The following CDH11 variants were observed in gnomAD, a reference collection of about 807,000 sequenced individuals.
CDH11 encodes the protein cadherin 11, also known as cadherin-11.
CDH11 carries 11 observed loss-of-function variants against 67.8 expected under a neutral mutation model. That is an observed-to-expected ratio of 0.16 (90% CI 0.10 to 0.27). The LOEUF is 0.27. CDH11 is among the 10% of genes least tolerant of loss of function. CDH11 has a pLI of 1.00. For synonymous variants in CDH11, 419 were observed against 400.0 expected, an observed-to-expected ratio of 1.05 and a Z score of -0.57; for missense variants, 847 against 1,031.2, an observed-to-expected ratio of 0.82 and a Z score of 2.45.
chr16:65,088,303 T>C (rs921220313), intron 1 of CDH11, among the ~76,000 whole-genome samples: 41 of 152,206 alleles, frequency 2.7e-4, no homozygotes, highest in African/African-American at 9.9e-4. Context: ...CACTCTAAGG[T>C]ATTTTTTAAT....
chr16:65,092,218 A>C (rs1232618940), intron 1 of CDH11, among the ~76,000 whole-genome samples: 1 of 152,142 alleles, frequency 6.6e-6, no homozygotes, highest in East Asian at 1.9e-4. Context: ...AGGTCACCAA[A>C]CTTAGCTCCA....
At chr16:65,051,736 T>C (rs111817096) in intron 2 of CDH11, among the ~76,000 whole-genome samples, 70 of 152,274 alleles carry the variant, frequency 4.6e-4, no homozygotes, top group African/African-American at 1.6e-3. Flanking sequence ...CTGATAGTTT[T>C]ATAAGGGGCT....
chr16:64,967,342 C>G (rs565155906), intron 11 of CDH11, among the ~76,000 whole-genome samples: 5 of 152,020 alleles, frequency 3.3e-5, no homozygotes, highest in African/African-American at 1.2e-4. Context: ...CTCAGCCTCC[C>G]GAGTAGCTGG....
At chr16:65,105,949 G>C (rs2075059679) in intron 1 of CDH11, among the ~76,000 whole-genome samples, 1 of 152,158 alleles carries the variant, frequency 6.6e-6, no homozygotes, top group South Asian at 2.1e-4. Flanking sequence ...TTTCTTACAT[G>C]CTTTGTTTTC....
At chr16:65,082,027 C>T (rs943988157) in intron 1 of CDH11, among the ~76,000 whole-genome samples, 1 of 152,180 alleles carries the variant, frequency 6.6e-6, no homozygotes, top group African/African-American at 2.4e-5. Context: ...CCAGGAGCTG[C>T]CTAACAGGCT....
Position 64,998,707 on chromosome 16 carries a change from C to T in CDH11, c.378G>A (p.Leu126=). The change falls in exon 4 of 13, where the codon TTG becomes TTA. Residue 126 remains leucine, a synonymous_variant. Coordinates refer to ENST00000268603, the MANE Select transcript of CDH11 (RefSeq NM_001797.4). ...TGTCCCTGTCCACCGCCTGAGCCAT[C>T]AACGTGTACTGGGCTCTCTCTTCTC... ...LDREERAQYT[L]MAQAVDRDTN... 1.2e-6 allele frequency: 2 copies of T among 1,614,136 alleles called. No homozygotes were observed. Among genetic ancestry groups the T allele is most frequent in the Non-Finnish European group, 1.7e-6 (2 of 1,180,022 alleles).
chr16:64,998,745 T>G lies in CDH11; in HGVS notation c.340A>C (p.Lys114Gln), dbSNP rs1173924496. 1 of 1,614,034 alleles carries G rather than the reference T, an allele frequency of 6.2e-7. No homozygotes were observed. Among genetic ancestry groups the G allele is most frequent in the Non-Finnish European group, 8.5e-7 (1 of 1,180,042 alleles). ...DDKSGNIHAT[K>Q]TLDREERAQY... ...GCTCTCTCTTCTCGATCCAACGTCT[T>G]GGTGGCATGAATGTTCCCTGATTTG... is the stretch of plus-strand genomic sequence containing the variant. The change falls in exon 4 of 13, where the codon AAG becomes CAG. Residue 114 changes from lysine (K) to glutamine (Q), a missense_variant. Coordinates refer to ENST00000268603, the MANE Select transcript of CDH11 (RefSeq NM_001797.4).
chr16:65,025,911 G>A (rs781275467), intron 2 of CDH11, among the ~76,000 whole-genome samples: 1 of 152,142 alleles, frequency 6.6e-6, no homozygotes, highest in Admixed American at 6.5e-5. Context: ...GTAGTGGGGA[G>A]AGGAGGGATA....
At chr16:65,041,291 T>C (rs567335429) in intron 2 of CDH11, among the ~76,000 whole-genome samples, 1 of 152,102 alleles carries the variant, frequency 6.6e-6, no homozygotes, top group African/African-American at 2.4e-5. Context: ...ACCAACTGAT[T>C]GACCAATCGC....
chr16:64,945,894 G>T lies in CDH11; in HGVS notation c.*1709C>A. ...CAATCCAAGAAAAAGCACGTGCCCT[G>T]TGTGTAGGGGGAAAGAGGGAAAGCA... On this transcript the variant is annotated 3_prime_UTR_variant, in exon 13 of 13. Coordinates refer to ENST00000268603, the MANE Select transcript of CDH11 (RefSeq NM_001797.4). The T allele has an allele frequency of 9.5e-7, 1 of 1,057,684 alleles. No individual in the cohort carries two copies. Among genetic ancestry groups the T allele is most frequent in the Non-Finnish European group, 1.1e-6 (1 of 874,538 alleles). The allele number at this position is 1,057,684 out of a possible 1,614,324, so 65.5% of individuals were successfully genotyped here. A position where few individuals can be genotyped will look rare whatever the true frequency, so the allele number is the denominator to read the frequency against.
chr16:64,972,096 G>A lies in CDH11; in HGVS notation c.1391-32C>T, dbSNP rs1265266322. The A allele has an allele frequency of 1.9e-6, 3 of 1,609,264 alleles. No homozygotes were observed. The South Asian group carries it at 3.3e-5, about 18-fold the overall frequency. On this transcript the variant is annotated intron_variant, in intron 9 of 12. Coordinates refer to ENST00000268603, the MANE Select transcript of CDH11 (RefSeq NM_001797.4). ...AGACAGAATGCAGACAGTCAAGAAA[G>A]GTCAAGGAGAAATACACATTGGTCC...
chr16:64,959,232 C>T (rs1262156332), intron 11 of CDH11, among the ~76,000 whole-genome samples: 1 of 152,148 alleles, frequency 6.6e-6, no homozygotes, highest in African/African-American at 2.4e-5. Context: ...GAAATTCAAG[C>T]ATGTGTGTAT....
At chr16:65,105,058 C>T (rs1450882638) in intron 1 of CDH11, among the ~76,000 whole-genome samples, 10 of 152,174 alleles carry the variant, frequency 6.6e-5, no homozygotes, top group Non-Finnish European at 1.5e-4. Flanking sequence ...CTGAGGTCCT[C>T]CCAGTTCTTC....
chr16:65,073,968 T>TG (rs1362691417), intron 1 of CDH11, among the ~76,000 whole-genome samples: 1 of 152,190 alleles, frequency 6.6e-6, no homozygotes, highest in African/African-American at 2.4e-5. Context: ...TTTGATGTCA[T>TG]GGTTGTTTTC....
intron 1 of CDH11, among the ~76,000 whole-genome samples, chr16:65,085,420 C>A (rs1261001391): frequency 2.6e-5 from 4 of 152,182 alleles, no homozygotes; most frequent in Non-Finnish European, 5.9e-5. Context: ...ATTATACCTA[C>A]CTCGTGGAAT....
chr16:64,951,776 C>T (rs1341092170), intron 11 of CDH11, among the ~76,000 whole-genome samples: 1 of 152,168 alleles, frequency 6.6e-6, no homozygotes, highest in African/African-American at 2.4e-5. Flanking sequence ...TGAATCCACT[C>T]ATTAGTCATG....
At chr16:64,989,339 ATGTG>A (rs1204994673) in intron 6 of CDH11, among the ~76,000 whole-genome samples, 1 of 151,954 alleles carries the variant, frequency 6.6e-6, no homozygotes, top group African/African-American at 2.4e-5. Context: ...GAGTTTGTGT[ATGTG>A]TATGAGTGTG....
At chr16:65,079,968 AT>A (rs2074581476) in intron 1 of CDH11, among the ~76,000 whole-genome samples, 1 of 152,144 alleles carries the variant, frequency 6.6e-6, no homozygotes, top group Non-Finnish European at 1.5e-5. Flanking sequence ...ACTTCTTGAT[AT>A]TTTTCTAATT....
intron 2 of CDH11, among the ~76,000 whole-genome samples, chr16:65,050,880 C>A (rs952789330): frequency 6.6e-6 from 1 of 151,748 alleles, no homozygotes; most frequent in Non-Finnish European, 1.5e-5. Flanking sequence ...GATTCATTGA[C>A]ACCTCATTCT....
Sources: gnomAD v4.1 joint callset for allele counts (sites outside exome capture counted in the v4.1 genomes callset) on GRCh38, gnomAD v4.1.1 for gene constraint, MANE v1.5 for transcripts, NCBI Gene and HGNC (gene_info 2026-07-23, HGNC 2026-07-21) for gene names.